The following ASCC3 variants were observed in gnomAD, a reference collection of about 807,000 sequenced individuals.
ASCC3 encodes activating signal cointegrator 1 complex subunit 3, also known as ASC-1 complex subunit P200.
ASCC3 carries 158 observed loss-of-function variants against 256.3 expected under a neutral mutation model. The ratio of observed to expected loss-of-function variants is 0.62; its 90% CI spans 0.54 to 0.70. ASCC3 has a LOEUF of 0.70. Ranked by LOEUF, ASCC3 falls within the 30% of genes least tolerant of loss-of-function variation. ASCC3 has a pLI of 0.00. For missense variants in ASCC3, 2,259 were observed against 2,626.0 expected, an observed-to-expected ratio of 0.86 and a Z score of 3.05; for synonymous variants, 948 against 883.4, an observed-to-expected ratio of 1.07 and a Z score of -1.30.
chr6:100,564,148 T>C (rs919912669), intron 36 of ASCC3, among the ~76,000 whole-genome samples: 3 of 151,908 alleles, frequency 2.0e-5, no homozygotes, highest in Non-Finnish European at 4.4e-5. Context: ...ATGGGGTACA[T>C]GTGTTTTTTT....
intron 34 of ASCC3, among the ~76,000 whole-genome samples, chr6:100,593,468 A>G (rs985613668): frequency 6.6e-6 from 1 of 152,172 alleles, no homozygotes; most frequent in East Asian, 1.9e-4. Context: ...ATCTCAAGTT[A>G]CTTTTTCAAA....
At chr6:100,509,566 C>T in intron 41 of ASCC3, 33 bp from the exon 42 acceptor site, 6 of 1,576,250 alleles carry the variant, frequency 3.8e-6, no homozygotes, top group South Asian at 1.1e-5. Context: ...AAATGTAAAA[C>T]CACTTTTGTA....
intron 36 of ASCC3, among the ~76,000 whole-genome samples, chr6:100,580,359 T>G (rs1248938880): frequency 6.6e-6 from 1 of 152,028 alleles, no homozygotes; most frequent in Non-Finnish European, 1.5e-5. Flanking sequence ...GTACCATCAG[T>G]TAGGACTAGA....
intron 36 of ASCC3, among the ~76,000 whole-genome samples, chr6:100,587,013 G>A (rs530550776): frequency 6.6e-6 from 1 of 152,188 alleles, no homozygotes; most frequent in Non-Finnish European, 1.5e-5. Context: ...GTAAAAGGAA[G>A]CATTAACAAT....
At chr6:100,676,839 T>C (rs1777045827) in intron 14 of ASCC3, among the ~76,000 whole-genome samples, 1 of 152,176 alleles carries the variant, frequency 6.6e-6, no homozygotes, top group Admixed American at 6.5e-5. Context: ...AAATACATTG[T>C]GTTAAATGAA....
At chr6:100,847,047 T>C (rs1772417888) in intron 4 of ASCC3, among the ~76,000 whole-genome samples, 1 of 152,158 alleles carries the variant, frequency 6.6e-6, no homozygotes, top group South Asian at 2.1e-4. Context: ...AATACTCCCC[T>C]TCCAACAATC....
At chr6:100,511,774 C>CT (rs1773775934) in intron 40 of ASCC3, among the ~76,000 whole-genome samples, 1 of 151,786 alleles carries the variant, frequency 6.6e-6, no homozygotes, top group African/African-American at 2.4e-5. Context: ...AATACTTACA[C>CT]TGACAGACTT....
intron 21 of ASCC3, 30 bp from the exon 22 acceptor site, chr6:100,646,799 G>A (rs1395317506): frequency 1.9e-6 from 3 of 1,608,726 alleles, no homozygotes; most frequent in African/African-American, 2.7e-5. Flanking sequence ...TAGAAGAAAT[G>A]TGTCCAGGCA....
chr6:100,712,953 T>C (rs1778922341), intron 13 of ASCC3, among the ~76,000 whole-genome samples: 1 of 151,610 alleles, frequency 6.6e-6, no homozygotes, highest in African/African-American at 2.4e-5. Context: ...AGAGACAGAG[T>C]TTCACCGTGT....
intron 13 of ASCC3, among the ~76,000 whole-genome samples, chr6:100,707,733 CA>C (rs1373737307): frequency 6.6e-6 from 1 of 152,006 alleles, no homozygotes; most frequent in Non-Finnish European, 1.5e-5. Flanking sequence ...ATGATTGTCC[CA>C]ATGTAGATGA....
At chr6:100,761,033 T>A (rs996099453) in intron 10 of ASCC3, among the ~76,000 whole-genome samples, 1 of 152,250 alleles carries the variant, frequency 6.6e-6, no homozygotes, top group South Asian at 2.1e-4. Context: ...AGGCAGCTCA[T>A]AATAAAACTG....
At chr6:100,863,317 G>C (rs1006800264) in intron 3 of ASCC3, among the ~76,000 whole-genome samples, 4 of 152,026 alleles carry the variant, frequency 2.6e-5, no homozygotes, top group African/African-American at 9.7e-5. Context: ...ATAATCAATT[G>C]ATAAGAATAT....
chr6:100,580,037 T>C (rs1444408421), intron 36 of ASCC3, among the ~76,000 whole-genome samples: 1 of 152,150 alleles, frequency 6.6e-6, no homozygotes, highest in Non-Finnish European at 1.5e-5. Context: ...ATAGAGATTT[T>C]TTATCTCTTT....
chr6:100,626,219 T>A (rs1053785788), intron 29 of ASCC3, among the ~76,000 whole-genome samples: 1 of 152,054 alleles, frequency 6.6e-6, no homozygotes, highest in Admixed American at 6.6e-5. Flanking sequence ...GTAGAATATA[T>A]ATTTAGGTCT....
At chr6:100,627,379 A>G (rs1403040684) in intron 29 of ASCC3, among the ~76,000 whole-genome samples, 1 of 152,116 alleles carries the variant, frequency 6.6e-6, no homozygotes, top group Non-Finnish European at 1.5e-5. Context: ...TTATTCAACT[A>G]CAAAGTCATT....
chr6:100,688,925 A>G (rs1777709127), intron 13 of ASCC3, among the ~76,000 whole-genome samples: 1 of 152,218 alleles, frequency 6.6e-6, no homozygotes, highest in Non-Finnish European at 1.5e-5. Context: ...CCTCTCAAAG[A>G]TGACAAAGTA....
intron 13 of ASCC3, among the ~76,000 whole-genome samples, chr6:100,709,918 G>C (rs1778786686): frequency 6.6e-6 from 1 of 152,020 alleles, no homozygotes; most frequent in Non-Finnish European, 1.5e-5. Context: ...AAACAGTATA[G>C]GAGATATGTA....
chr6:100,770,353 T>C (rs1018339089), intron 8 of ASCC3, among the ~76,000 whole-genome samples: 1 of 151,946 alleles, frequency 6.6e-6, no homozygotes, highest in African/African-American at 2.4e-5. Flanking sequence ...GCGTTACAGG[T>C]GTTCCTATCA....
intron 36 of ASCC3, among the ~76,000 whole-genome samples, chr6:100,580,480 C>CT (rs34774551): frequency 2.4e-4 from 36 of 150,830 alleles, no homozygotes; most frequent in African/African-American, 3.4e-4. Flanking sequence ...TTTTAATATT[C>CT]TTTTTTTTTC....
Sources: gnomAD v4.1 joint callset for allele counts (sites outside exome capture counted in the v4.1 genomes callset) on GRCh38, gnomAD v4.1.1 for gene constraint, MANE v1.5 for transcripts, NCBI Gene and HGNC (gene_info 2026-07-23, HGNC 2026-07-21) for gene names.